Variants in COL4A3 observed in about 807,000 individuals in gnomAD.
COL4A3 encodes the protein collagen type IV alpha 3 chain, also known as collagen alpha-3(IV) chain.
COL4A3 carries 135 observed loss-of-function variants against 217.4 expected under a neutral mutation model. The ratio of observed to expected loss-of-function variants is 0.62; its 90% CI spans 0.54 to 0.72. COL4A3 has a LOEUF of 0.72. Ranked by LOEUF, COL4A3 falls within the 30% of genes least tolerant of loss-of-function variation. COL4A3 has a pLI of 0.00. For synonymous variants in COL4A3, 690 were observed against 736.3 expected (o/e 0.94, Z 1.02); for missense variants, 1,868 against 2,119.9 (o/e 0.88, Z 2.33).
chr2:227,304,181 A>T (rs575603393), intron 46 of COL4A3, 37 bp downstream of exon 46: 1 of 1,612,698 alleles, frequency 6.2e-7, no homozygotes, highest in African/African-American at 1.3e-5. Flanking sequence ...ATCACTAGGA[A>T]GTGGTTGAAC....
chr2:227,259,953 C>A, intron 19 of COL4A3, 76 bp downstream of exon 19: 1 of 1,053,774 alleles, frequency 9.5e-7, no homozygotes, highest in Non-Finnish European at 1.5e-6. Flanking sequence ...ATAGCATGTG[C>A]TTATGGAATT....
At position 227,226,935 on chromosome 2, in the gene COL4A3, T is replaced by C. The variant is rs546395952; in HGVS notation, c.88-11033T>C. Among the ~76,000 whole-genome samples the C allele has an allele frequency of 2.3e-3, 344 of 152,332 alleles. 1 individual carries two copies. The highest frequency in any genetic ancestry group is 3.4e-3 in the Non-Finnish European group (234 of 68,034). On this transcript the variant is annotated intron_variant, in intron 1 of 51. Coordinates refer to ENST00000396578, the MANE Select transcript of COL4A3 (RefSeq NM_000091.5). ...GAAGGCTACTATGCAGATACCTATATAACAAGAGAGAAAATAAATATCCAC... is the reference window on the plus strand; with the variant it reads ...GAAGGCTACTATGCAGATACCTATACAACAAGAGAGAAAATAAATATCCAC...
At chr2:227,184,890 C>A (rs2065971414) in intron 1 of COL4A3, among the ~76,000 whole-genome samples, 1 of 117,708 alleles carries the variant, frequency 8.5e-6, no homozygotes, top group Non-Finnish European at 1.7e-5. Context: ...GCCTCACTGG[C>A]CTTTTTTTTT....
intron 1 of COL4A3, among the ~76,000 whole-genome samples, chr2:227,172,581 CTTTTTTTTT>C (rs11315628): frequency 1.4e-5 from 1 of 73,596 alleles, no homozygotes; most frequent in East Asian, 4.4e-4. Flanking sequence ...TCGTCTTCTT[CTTTTTTTTT>C]TTTTTTTTTT....
chr2:227,246,064 G>A (rs2069320354), intron 6 of COL4A3, 48 bp downstream of exon 6: 9 of 1,442,558 alleles, frequency 6.2e-6, no homozygotes, highest in African/African-American at 1.4e-5. Context: ...TTTGCTGAAT[G>A]ATTAAATCAA....
intron 25 of COL4A3, among the ~76,000 whole-genome samples, chr2:227,272,052 T>G (rs1383424033): frequency 6.6e-6 from 1 of 152,228 alleles, no homozygotes; most frequent in Non-Finnish European, 1.5e-5. Context: ...CCTAAATGCT[T>G]CTGACTACAA....
intron 1 of COL4A3, among the ~76,000 whole-genome samples, chr2:227,201,203 G>T (rs2066672566): frequency 6.6e-6 from 1 of 152,136 alleles, no homozygotes; most frequent in African/African-American, 2.4e-5. Flanking sequence ...TAGCATCTGT[G>T]TAAAAAGCAA....
chr2:227,308,107 G>T (rs926685325), intron 48 of COL4A3, among the ~76,000 whole-genome samples, 188 bp downstream of exon 48: 5 of 152,200 alleles, frequency 3.3e-5, no homozygotes, highest in African/African-American at 1.2e-4. Context: ...GGTGGAAGGA[G>T]CCTAGCTCAG....
At chr2:227,198,095 C>T (rs142691896) in intron 1 of COL4A3, among the ~76,000 whole-genome samples, 42 of 152,326 alleles carry the variant, frequency 2.8e-4, no homozygotes, top group African/African-American at 7.9e-4. Context: ...AGAGAGGCCC[C>T]GCTTGCCAGC....
intron 23 of COL4A3, among the ~76,000 whole-genome samples, chr2:227,269,655 A>G (rs996105064): frequency 1.3e-5 from 2 of 152,206 alleles, no homozygotes; most frequent in South Asian, 4.1e-4. Context: ...AAAGTAATAT[A>G]TACTCAGAAA....
chr2:227,253,550 T>C lies in COL4A3; in HGVS notation c.688-11T>C, dbSNP rs780700044. The C allele has an allele frequency of 5.0e-6, 8 of 1,611,078 alleles. No individual in the cohort carries two copies. In the Admixed American group the frequency reaches 8.3e-5, roughly 17 times the overall value. ...GTTTATTTTCTCACTCCTGAGTGTT[T>C]TTGTCTTTAGGGTGTGAAAGGGTTA... On this transcript the variant is annotated splice_polypyrimidine_tract_variant and intron_variant, in intron 12 of 51. Coordinates refer to ENST00000396578, the MANE Select transcript of COL4A3 (RefSeq NM_000091.5). The surrounding 1 kb of genome is among the most constrained non-coding windows in gnomAD (Gnocchi z 4.4).
rs1414621648 is a variant in COL4A3 at position 227,178,358 on chromosome 2, G to A, written c.87+13545G>A. Among the ~76,000 whole-genome samples, 3 of 151,992 alleles carry A rather than the reference G, an allele frequency of 2.0e-5. No homozygotes were observed. In the East Asian group the frequency reaches 5.8e-4, roughly 29 times the overall value. ...ACAGCACACCACTTCACTCCAGCCT[G>A]GGCAACAGAGTGAGATCCATATCAA... On this transcript the variant is annotated intron_variant, in intron 1 of 51. Transcript: ENST00000396578.
chr2:227,167,766 C>CT (rs2065331051), intron 1 of COL4A3, among the ~76,000 whole-genome samples: 1 of 152,048 alleles, frequency 6.6e-6, no homozygotes, highest in Non-Finnish European at 1.5e-5. Flanking sequence ...TATTAATATA[C>CT]TTTGACTTGT....
Position 227,184,372 on chromosome 2 carries a change from C to T in COL4A3, c.87+19559C>T, listed in dbSNP as rs577110176. Among the ~76,000 whole-genome samples, 10 of 152,242 alleles carry T rather than the reference C, an allele frequency of 6.6e-5. No homozygotes were observed. The East Asian group carries it at 1.9e-3, about 29-fold the overall frequency. On this transcript the variant is annotated intron_variant, in intron 1 of 51. Transcript: ENST00000396578. The stretch of plus-strand genomic sequence containing the variant: ...TTTTGCAGACATATGAGTGTCAGCC[C>T]TGGTAAAATTAAGATTGACTCAATC...
At chr2:227,247,493 C>G in intron 7 of COL4A3, 65 bp from the exon 8 acceptor site, 1 of 1,485,848 alleles carries the variant, frequency 6.7e-7, no homozygotes, top group Non-Finnish European at 9.4e-7. Context: ...GAGGGCAGAG[C>G]AGACCGAGTA....
intron 1 of COL4A3, among the ~76,000 whole-genome samples, chr2:227,218,053 C>CA (rs2067593307): frequency 8.6e-6 from 1 of 116,350 alleles, no homozygotes; most frequent in Non-Finnish European, 1.9e-5. Context: ...CTATATTTAA[C>CA]TATATATAAA....
chr2:227,247,488 C>T (rs2069420269), intron 7 of COL4A3, 70 bp from the exon 8 acceptor site: 1 of 1,434,610 alleles, frequency 7.0e-7, no homozygotes, highest in Admixed American at 1.7e-5. Context: ...GCAGAGAGGG[C>T]AGAGCAGACC....
chr2:227,283,831 G>A lies in COL4A3; in HGVS notation c.2721G>A (p.Gly907=). Residue 907 remains glycine, a synonymous_variant, in exon 33 of 52, where the codon GGG becomes GGA. Coordinates refer to ENST00000396578, the MANE Select transcript of COL4A3 (RefSeq NM_000091.5). ...CCATTGGCCCTCCAGGGCCCCCTGG[G>A]AACCCAGGCACACCAGGGCAGAGGG... ...PGAIGPPGPP[G]NPGTPGQRGS... 1 of 1,614,004 alleles carries A rather than the reference G, an allele frequency of 6.2e-7. No individual in the cohort carries two copies. The highest frequency in any genetic ancestry group is 2.2e-5 in the East Asian group (1 of 44,874).
intron 1 of COL4A3, among the ~76,000 whole-genome samples, chr2:227,202,976 TATATAC>T (rs1199420163): frequency 5.4e-5 from 2 of 36,814 alleles, no homozygotes; most frequent in South Asian, 1.1e-3. Flanking sequence ...TATATGTGTA[TATATAC>T]ATATGTGTAT....
Sources: gnomAD v4.1 joint callset for allele counts (sites outside exome capture counted in the v4.1 genomes callset) on GRCh38, gnomAD v4.1.1 for gene constraint, Gnocchi (gnomAD v3.1) non-coding constraint, MANE v1.5 for transcripts, NCBI Gene and HGNC (gene_info 2026-07-23, HGNC 2026-07-21) for gene names.